RAPGEF2: variants seen among roughly 807,000 people sequenced by gnomAD.
RAPGEF2 encodes PDZ domain containing guanine nucleotide exchange factor (GEF) 1.
Under a neutral mutation model 186.7 loss-of-function variants are expected in RAPGEF2, and 54 were observed. That is an observed-to-expected ratio of 0.29 (90% CI 0.23 to 0.36). The LOEUF is 0.36. Among genes scored for constraint, RAPGEF2 ranks in the 10% least tolerant of loss-of-function variants. The pLI is 1.00. For synonymous variants in RAPGEF2, 712 were observed against 705.9 expected (o/e 1.01, Z -0.14); for missense variants, 1,532 against 2,045.0 (o/e 0.75, Z 4.84).
chr4:159,150,300 T>C (rs910308631), intron 1 of RAPGEF2, among the ~76,000 whole-genome samples: 4 of 152,204 alleles, frequency 2.6e-5, no homozygotes, highest in African/African-American at 9.7e-5. Context: ...CATCAGCTAA[T>C]TAATACATAA....
chr4:159,257,518 C>T (rs921666417), intron 7 of RAPGEF2, among the ~76,000 whole-genome samples: 2 of 152,092 alleles, frequency 1.3e-5, no homozygotes, highest in South Asian at 2.1e-4. Context: ...TTGGGAATTA[C>T]GGGAGCTGTA....
chr4:159,169,676 A>G (rs898079021), intron 1 of RAPGEF2, among the ~76,000 whole-genome samples: 1 of 152,114 alleles, frequency 6.6e-6, no homozygotes, highest in African/African-American at 2.4e-5. Flanking sequence ...GAAATCACAC[A>G]GTATTTGCCT....
At chr4:159,279,152 T>G (rs993290539) in intron 7 of RAPGEF2, among the ~76,000 whole-genome samples, 14 of 152,338 alleles carry the variant, frequency 9.2e-5, no homozygotes, top group African/African-American at 3.4e-4. Flanking sequence ...ACTCTTCATT[T>G]ATGATCTCAT....
chr4:159,139,842 G>A (rs73860446), intron 1 of RAPGEF2, among the ~76,000 whole-genome samples: 9,363 of 152,216 alleles, frequency 0.062, 977 homozygotes, highest in African/African-American at 0.21. Context: ...TGTGCTAAAA[G>A]TAGATTCCTT....
chr4:159,278,811 T>G (rs1385330212), intron 7 of RAPGEF2, among the ~76,000 whole-genome samples: 1 of 152,232 alleles, frequency 6.6e-6, no homozygotes, highest in Non-Finnish European at 1.5e-5. Flanking sequence ...GAAGATTAAA[T>G]GAGGTAAAAC....
intron 17 of RAPGEF2, among the ~76,000 whole-genome samples, chr4:159,337,889 CAAAAA>C (rs553291521): frequency 2.0e-3 from 64 of 32,566 alleles, no homozygotes; most frequent in Non-Finnish European, 4.3e-3. Context: ...GACTCCATCT[CAAAAA>C]AAAAAAAAAA....
chr4:159,151,033 T>C (rs1743479420), intron 1 of RAPGEF2, among the ~76,000 whole-genome samples: 2 of 152,172 alleles, frequency 1.3e-5, no homozygotes, highest in South Asian at 4.1e-4. Context: ...CTATAGAAAT[T>C]TTGCTGATTG....
intron 25 of RAPGEF2, among the ~76,000 whole-genome samples, chr4:159,348,477 G>A (rs1008168371): frequency 1.3e-5 from 2 of 152,016 alleles, no homozygotes; most frequent in Non-Finnish European, 2.9e-5. Flanking sequence ...TATTGATATG[G>A]GGAGAGAATA....
At chr4:159,220,525 C>T (rs747950703) in intron 4 of RAPGEF2, among the ~76,000 whole-genome samples, 5 of 152,220 alleles carry the variant, frequency 3.3e-5, no homozygotes, top group Admixed American at 6.5e-5. Flanking sequence ...GCGAGACATA[C>T]AGGACAGCTC....
intron 7 of RAPGEF2, among the ~76,000 whole-genome samples, chr4:159,245,589 C>A (rs887448788): frequency 6.6e-6 from 1 of 151,944 alleles, no homozygotes; most frequent in Non-Finnish European, 1.5e-5. Context: ...TAGTTTCAAG[C>A]CTTCTCTGTA....
rs571630111 is a variant in RAPGEF2, at chr4:159,334,730, A to G, written c.2135+2033A>G. 9.2e-5 allele frequency among the ~76,000 whole-genome samples: 14 copies of G among 152,368 alleles called. 1 individual carries two copies. In the South Asian group the frequency reaches 2.9e-3, roughly 32 times the overall value. ...AATACTGGATGTTGGAAAGGAACAC[A>G]ATATGAGAATACCATGTCTAATTTT... On this transcript the variant is annotated intron_variant, in intron 17 of 29. Coordinates refer to ENST00000691494, the MANE Select transcript of RAPGEF2 (RefSeq NM_001394067.2).
chr4:159,342,391 CT>C (rs1424483703), intron 20 of RAPGEF2, among the ~76,000 whole-genome samples: 3 of 151,112 alleles, frequency 2.0e-5, no homozygotes, highest in Admixed American at 2.0e-4. Context: ...ATTTTCTTCC[CT>C]TTTTTTAAGA....
intron 7 of RAPGEF2, among the ~76,000 whole-genome samples, chr4:159,252,413 TAAG>T (rs1326726637): frequency 1.4e-4 from 21 of 152,212 alleles, no homozygotes; most frequent in African/African-American, 3.6e-4. Context: ...TTGGAACACT[TAAG>T]AAAGTTTTTA....
chr4:159,233,719 G>A (rs1752903983), intron 4 of RAPGEF2, among the ~76,000 whole-genome samples: 1 of 151,988 alleles, frequency 6.6e-6, no homozygotes, highest in Admixed American at 6.6e-5. Flanking sequence ...AATCACTAAA[G>A]AACTTATGTA....
chr4:159,228,600 T>C (rs987400908), intron 4 of RAPGEF2, among the ~76,000 whole-genome samples: 3 of 152,178 alleles, frequency 2.0e-5, no homozygotes, highest in African/African-American at 7.2e-5. Flanking sequence ...ATTGTTAGAA[T>C]GTTTGTAAGT....
intron 9 of RAPGEF2, among the ~76,000 whole-genome samples, chr4:159,318,969 T>G (rs1051723499): frequency 5.9e-5 from 9 of 152,218 alleles, no homozygotes; most frequent in African/African-American, 9.6e-5. Context: ...TAGGTAAGTG[T>G]ATAATTCTAT....
Position 159,353,637 on chromosome 4 carries a change from A to G in RAPGEF2, c.4242A>G (p.Ser1414=), listed in dbSNP as rs1480443306. 1.9e-6 allele frequency: 3 copies of G among 1,595,380 alleles called. No homozygotes were observed. In the Admixed American group the frequency reaches 5.3e-5, roughly 28 times the overall value. Residue 1414 remains serine, a synonymous_variant, in exon 28 of 30, where the codon TCA becomes TCG. Coordinates refer to ENST00000691494, the MANE Select transcript of RAPGEF2 (RefSeq NM_001394067.2). The surrounding 1 kb of genome is among the most constrained non-coding windows in gnomAD (Gnocchi z 4.3). ...GCCGTGGGAGCTGGACGTCATGCTCAAGTGGCTCCCATGATAATATACAGA... is the reference window on the plus strand; with the variant it reads ...GCCGTGGGAGCTGGACGTCATGCTCGAGTGGCTCCCATGATAATATACAGA... ...DSGRGSWTSC[S]SGSHDNIQTI...
At chr4:159,105,618 A>G (rs1737784858) in intron 1 of RAPGEF2, among the ~76,000 whole-genome samples, 1 of 152,198 alleles carries the variant, frequency 6.6e-6, no homozygotes, top group Non-Finnish European at 1.5e-5. Flanking sequence ...TATCCCAACA[A>G]GGAATGTCCT....
At chr4:159,245,230 G>A (rs953049206) in intron 7 of RAPGEF2, among the ~76,000 whole-genome samples, 1 of 152,008 alleles carries the variant, frequency 6.6e-6, no homozygotes, top group African/African-American at 2.4e-5. Flanking sequence ...TCCATGTACT[G>A]TGTTTTCAGG....
Sources: gnomAD v4.1 joint callset for allele counts (sites outside exome capture counted in the v4.1 genomes callset) on GRCh38, gnomAD v4.1.1 for gene constraint, Gnocchi (gnomAD v3.1) non-coding constraint, MANE v1.5 for transcripts, NCBI Gene and HGNC (gene_info 2026-07-23, HGNC 2026-07-21) for gene names.